EARS2: variants seen among roughly 807,000 people sequenced by gnomAD.
EARS2 encodes the protein glutamyl-tRNA synthetase 2, mitochondrial, also known as nondiscriminating glutamyl-tRNA synthetase EARS2, mitochondrial.
Under a neutral mutation model 54.1 loss-of-function variants are expected in EARS2, and 50 were observed. That is an observed-to-expected ratio of 0.92 (90% CI 0.74 to 1.17). The LOEUF is 1.17. Among genes scored for constraint, EARS2 ranks in the 50% most tolerant of loss-of-function variants. The probability of loss-of-function intolerance (pLI) is 0.00; values close to 1 mark genes in which losing one functional copy is unlikely to be tolerated. For missense variants in EARS2, 673 were observed against 675.0 expected, an observed-to-expected ratio of 1.00 and a Z score of 0.03; for synonymous variants, 298 against 281.0, an observed-to-expected ratio of 1.06 and a Z score of -0.61.
chr16:23,542,928 A>G (rs1965539584), intron 3 of EARS2, among the ~76,000 whole-genome samples: 1 of 150,624 alleles, frequency 6.6e-6, no homozygotes, highest in African/African-American at 2.5e-5. Context: ...CAGCCTGGGC[A>G]ACATGGCGAA....
chr16:23,528,476 T>C (rs974926684), intron 7 of EARS2, among the ~76,000 whole-genome samples: 3 of 152,220 alleles, frequency 2.0e-5, no homozygotes, highest in African/African-American at 4.8e-5. Context: ...AAAGGATTTC[T>C]AGTGATCTGG....
chr16:23,544,552 G>A lies in EARS2; in HGVS notation c.447C>T (p.Leu149=), dbSNP rs1316087131. 3 of 1,614,156 alleles carry A rather than the reference G, an allele frequency of 1.9e-6. No homozygotes were observed. Among genetic ancestry groups the A allele is most frequent in the Non-Finnish European group, 2.5e-6 (3 of 1,180,014 alleles). The change falls in exon 3 of 9, where the codon CTC becomes CTT. Residue 149 remains leucine, a synonymous_variant. Coordinates refer to ENST00000449606, the MANE Select transcript of EARS2 (RefSeq NM_001083614.2). ...PCFCSPQRLE[L]LKKEALRNHQ... Reference sequence around the variant, plus strand: ...GGTTCCGCAAGGCCTCCTTCTTCAGGAGCTCCAGCCGCTGGGGTGAGCAGA... The same window carrying A: ...GGTTCCGCAAGGCCTCCTTCTTCAGAAGCTCCAGCCGCTGGGGTGAGCAGA...
At chr16:23,556,527 T>A (rs1480821113) in intron 1 of EARS2, among the ~76,000 whole-genome samples, 2 of 152,232 alleles carry the variant, frequency 1.3e-5, no homozygotes, top group Non-Finnish European at 2.9e-5. Context: ...GATAATTTTG[T>A]ATTTTTAGTA....
At chr16:23,542,521 G>C (rs1219219481) in intron 3 of EARS2, among the ~76,000 whole-genome samples, 1 of 150,854 alleles carries the variant, frequency 6.6e-6, no homozygotes, top group Non-Finnish European at 1.5e-5. Context: ...TCACCACATT[G>C]GCCAGGCTGG....
rs1388951626 is a variant in EARS2 at position 23,526,114 on chromosome 16, T to A, written c.1353-735A>T. Among the ~76,000 whole-genome samples, 11 of 10,758 alleles carry A rather than the reference T, an allele frequency of 1.0e-3. 1 individual carries two copies. The highest frequency in any genetic ancestry group is 1.8e-3 in the African/African-American group (10 of 5,572). 7.1% of individuals were successfully genotyped at this position (10,758 alleles called of 152,430 possible). ...ATAAATACTCAGAAATATTACCTTT[T>A]TTTTTTTTTTTTTTTGGAGATGGAG... On this transcript the variant is annotated intron_variant, in intron 7 of 8. Transcript: ENST00000449606.
intron 3 of EARS2, among the ~76,000 whole-genome samples, chr16:23,541,241 C>T (rs1350011189): frequency 2.0e-5 from 3 of 150,918 alleles, no homozygotes; most frequent in South Asian, 2.1e-4. Context: ...GCCAGAGAAT[C>T]ACTTGAACCT....
chr16:23,535,096 C>G lies in EARS2; in HGVS notation c.750G>C (p.Trp250Cys), dbSNP rs772144229. Residue 250 changes from tryptophan (W) to cysteine (C), a missense_variant, in exon 4 of 9, where the codon TGG becomes TGC. Coordinates refer to ENST00000449606, the MANE Select transcript of EARS2 (RefSeq NM_001083614.2). ...GCAGGTGCTTGGCAGTGGAGACGAG[C>G]CACTCAGAGCCTCGCAGCACGTGGC... ...GISHVLRGSE[W>C]LVSTAKHLLL... 5.0e-6 allele frequency: 8 copies of G among 1,608,428 alleles called. No homozygotes were observed. Among genetic ancestry groups the G allele is most frequent in the Non-Finnish European group, 6.8e-6 (8 of 1,177,914 alleles).
chr16:23,541,138 A>G (rs939831850), intron 3 of EARS2, among the ~76,000 whole-genome samples: 4 of 152,200 alleles, frequency 2.6e-5, no homozygotes, highest in African/African-American at 9.7e-5. Context: ...CAGCCTGACC[A>G]ACATGGTGAA....
chr16:23,537,794 C>CTTTTT (rs562913476), intron 3 of EARS2, among the ~76,000 whole-genome samples: 11 of 137,486 alleles, frequency 8.0e-5, no homozygotes, highest in African/African-American at 2.2e-4. Flanking sequence ...CTTTTTCTTT[C>CTTTTT]TTTTTTTTTT....
At chr16:23,536,778 G>C (rs944203279) in intron 3 of EARS2, among the ~76,000 whole-genome samples, 1 of 151,390 alleles carries the variant, frequency 6.6e-6, no homozygotes, top group East Asian at 2.0e-4. Flanking sequence ...CACCTCCAGG[G>C]TTCAAGCAAT....
intron 7 of EARS2, among the ~76,000 whole-genome samples, chr16:23,527,800 G>C (rs575853166): frequency 6.6e-6 from 1 of 152,084 alleles, no homozygotes; most frequent in Non-Finnish European, 1.5e-5. Context: ...TGATCGGCCC[G>C]CCTGGGCCTC....
chr16:23,532,812 T>C, intron 4 of EARS2, 47 bp from the exon 5 acceptor site: 3 of 1,347,168 alleles, frequency 2.2e-6, no homozygotes, highest in South Asian at 1.2e-5. Flanking sequence ...TCTCCCTTCC[T>C]CCTTCCACTT....
At position 23,535,083 on chromosome 16, in the gene EARS2, C is replaced by T. The variant is rs898205797; in HGVS notation, c.763G>A (p.Ala255Thr). 5 of 1,602,558 alleles carry T rather than the reference C, an allele frequency of 3.1e-6. No individual in the cohort carries two copies. Among genetic ancestry groups the T allele is most frequent in the Non-Finnish European group, 4.3e-6 (5 of 1,175,608 alleles). The part of the protein sequence containing the change: ...LRGSEWLVST[A>T]KHLLLYQALG... ...GCCTGGTAGAGGAGCAGGTGCTTGGCAGTGGAGACGAGCCACTCAGAGCCT... is the reference window on the plus strand; with the variant it reads ...GCCTGGTAGAGGAGCAGGTGCTTGGTAGTGGAGACGAGCCACTCAGAGCCT... Residue 255 changes from alanine to threonine, a missense_variant, in exon 4 of 9, where the codon GCC (alanine) becomes ACC (threonine). By Grantham distance (58) the Ala-to-Thr change is moderately conservative. Coordinates refer to ENST00000449606, the MANE Select transcript of EARS2 (RefSeq NM_001083614.2).
chr16:23,540,716 T>C (rs937362182), intron 3 of EARS2, among the ~76,000 whole-genome samples: 17 of 151,782 alleles, frequency 1.1e-4, no homozygotes, highest in African/African-American at 3.9e-4. Context: ...GGCAGGTGGA[T>C]TGCCTGAGCT....
intron 1 of EARS2, among the ~76,000 whole-genome samples, chr16:23,554,123 C>T (rs535247473): frequency 1.7e-4 from 26 of 152,208 alleles, no homozygotes; most frequent in Non-Finnish European, 2.5e-4. Flanking sequence ...AATCCTCCCA[C>T]GTCAGCCTCC....
chr16:23,547,566 C>A (rs1965624653), intron 2 of EARS2, among the ~76,000 whole-genome samples: 1 of 152,076 alleles, frequency 6.6e-6, no homozygotes, highest in Non-Finnish European at 1.5e-5. Context: ...AGTGCAGTGG[C>A]ACGATCTCGG....
At chr16:23,532,100 G>C (rs183049928) in intron 5 of EARS2, among the ~76,000 whole-genome samples, 1 of 152,252 alleles carries the variant, frequency 6.6e-6, no homozygotes, top group East Asian at 1.9e-4. Flanking sequence ...GGTGTGAGCC[G>C]CCACACCCAG....
intron 2 of EARS2, among the ~76,000 whole-genome samples, chr16:23,551,685 C>T (rs996285536): frequency 2.6e-5 from 4 of 151,952 alleles, no homozygotes; most frequent in East Asian, 1.9e-4. Context: ...TTTGGGAGGT[C>T]GAGGCAGGTG....
chr16:23,530,867 C>T (rs961944973), intron 5 of EARS2, among the ~76,000 whole-genome samples: 2 of 151,238 alleles, frequency 1.3e-5, no homozygotes, highest in African/African-American at 4.9e-5. Flanking sequence ...CAGGGCGAGA[C>T]CCAGCCACTA....
Sources: gnomAD v4.1 joint callset for allele counts (sites outside exome capture counted in the v4.1 genomes callset) on GRCh38, gnomAD v4.1.1 for gene constraint, MANE v1.5 for transcripts, NCBI Gene and HGNC (gene_info 2026-07-23, HGNC 2026-07-21) for gene names.